QARS1: variants seen among roughly 807,000 people sequenced by gnomAD.
QARS1 encodes the protein glutaminyl-tRNA synthetase 1, also known as glutamine--tRNA ligase.
In QARS1, 79 loss-of-function variants were observed where a neutral mutation model predicts 106.9. That is an observed-to-expected ratio of 0.74 (90% CI 0.62 to 0.89). The LOEUF is 0.89. Among genes scored for constraint, QARS1 ranks in the 40% least tolerant of loss-of-function variants. QARS1 has a pLI of 0.00. For synonymous variants in QARS1, 395 were observed against 367.7 expected (o/e 1.07, Z -0.85); for missense variants, 966 against 997.2 (o/e 0.97, Z 0.42).
At position 49,100,435 on chromosome 3, in the gene QARS1, A is replaced by G. The variant is rs1469995048; in HGVS notation, c.1000T>C (p.Tyr334His). 3 of 1,614,232 alleles carry G rather than the reference A, an allele frequency of 1.9e-6. No individual in the cohort carries two copies. The highest frequency in any genetic ancestry group is 2.5e-6 in the Non-Finnish European group (3 of 1,180,046). ...WLGYTPYKVT[Y>H]ASDYFDQLYA... ...AGCTGGTCAAAATAGTCAGACGCAT[A>G]TGTGACTTTGTAAGGTGTGTAGCCT... Residue 334 changes from tyrosine (Y) to histidine (H), a missense_variant, in exon 12 of 24, where the codon TAT (tyrosine) becomes CAT (histidine). Physicochemically the swap from Tyr to His is moderately conservative, Grantham distance 83 (BLOSUM62 2). Coordinates refer to ENST00000306125, the MANE Select transcript of QARS1 (RefSeq NM_005051.3).
At position 49,098,250 on chromosome 3, in the gene QARS1, T is replaced by G. The variant is rs2042417727; in HGVS notation, c.2093A>C (p.His698Pro). The G allele has an allele frequency of 1.2e-6, 2 of 1,614,186 alleles. No homozygotes were observed. The highest frequency in any genetic ancestry group is 1.7e-6 in the Non-Finnish European group (2 of 1,180,036). The change falls in exon 22 of 24, where the codon CAC becomes CCC. Residue 698 changes from histidine (H) to proline (P), a missense_variant. By Grantham distance (77) the His-to-Pro change is moderately conservative. Coordinates refer to ENST00000306125, the MANE Select transcript of QARS1 (RefSeq NM_005051.3). ...CTCAGTAGGATCTTCAGGGTTCTTG[T>G]GCTGGAATCTGCAGCCAAAGTGAAG... The part of the protein sequence containing the change: ...EVRLYERLFQ[H>P]KNPEDPTEVP...
rs1445399982 is a variant in QARS1, at chr3:49,104,362, A to AT, written c.226dup (p.Ile76AsnfsTer4). The stretch of plus-strand genomic sequence containing the variant: ...CTCAGTGTGGATCTTCTTACTGGCT[A>AT]TGTAGCTTACAAGGAAGGAGAGACG... On this transcript the variant is annotated frameshift_variant, in exon 2 of 24. Coordinates refer to ENST00000306125, the MANE Select transcript of QARS1 (RefSeq NM_005051.3). LOFTEE classifies it high-confidence loss of function. 1.9e-6 allele frequency: 3 copies of AT among 1,613,864 alleles called. No individual in the cohort carries two copies. Among genetic ancestry groups the AT allele is most frequent in the Non-Finnish European group, 2.5e-6 (3 of 1,179,986 alleles).
At chr3:49,097,745 G>A (rs917768349) in intron 23 of QARS1, among the ~76,000 whole-genome samples, 4 of 152,136 alleles carry the variant, frequency 2.6e-5, no homozygotes, top group African/African-American at 7.2e-5. Flanking sequence ...GCAGTGAGCC[G>A]AGATGGTGCC....
chr3:49,097,367 G>A (rs551586363), intron 23 of QARS1: 1 of 151,936 alleles, frequency 6.6e-6, no homozygotes, highest in Non-Finnish European at 1.5e-5. Context: ...GTTTCACCAT[G>A]TTGGCCAGGG....
intron 9 of QARS1, 63 bp downstream of exon 9, chr3:49,101,557 G>T: frequency 6.3e-7 from 1 of 1,588,624 alleles, no homozygotes; most frequent in South Asian, 1.1e-5. Context: ...CAGTATGGAC[G>T]CAGCCCAGGC....
At chr3:49,104,291 G>A (rs1454972495) in intron 2 of QARS1, 33 bp downstream of exon 2, 3 of 1,611,052 alleles carry the variant, frequency 1.9e-6, no homozygotes, top group Non-Finnish European at 2.5e-6. Flanking sequence ...GGGAGGCATT[G>A]GTGCGAACTG....
intron 10 of QARS1, among the ~76,000 whole-genome samples, chr3:49,100,929 A>G (rs2042462270): frequency 6.6e-6 from 1 of 152,160 alleles, no homozygotes; most frequent in South Asian, 2.1e-4. Context: ...TTTAGTAGAG[A>G]TGGGGTTTCA....
At position 49,098,953 on chromosome 3, in the gene QARS1, C is replaced by A; in HGVS notation, c.1795G>T (p.Glu599Ter). Residue 599 changes from glutamate to a stop codon, truncating the protein, a stop_gained, in exon 19 of 24, where the codon GAG becomes TAG. Coordinates refer to ENST00000306125, the MANE Select transcript of QARS1 (RefSeq NM_005051.3). LOFTEE classifies it high-confidence loss of function. ...GGAACCTGATGGAAGCCTTTGGTCT[C>A]ATCAGCTGGGAAGTTGGGCACCTGG... ...DIQVPNFPADETKGFHQVPFA... is the reference protein window; with the variant it reads ...DIQVPNFPAD The A allele has an allele frequency of 6.2e-7, 1 of 1,614,104 alleles. No individual in the cohort carries two copies. The highest frequency in any genetic ancestry group is 8.5e-7 in the Non-Finnish European group (1 of 1,179,982).
chr3:49,100,053 T>G lies in QARS1; in HGVS notation c.1203A>C (p.Thr401=). 8.1e-6 allele frequency: 13 copies of G among 1,614,230 alleles called. No individual in the cohort carries two copies. Among genetic ancestry groups the G allele is most frequent in the Non-Finnish European group, 1.1e-5 (13 of 1,180,030 alleles). ...RKGKFSEGEA[T]LRMKLVMEDG... The stretch of plus-strand genomic sequence containing the variant: ...CCTCCATCACCAGCTTCATCCGTAG[T>G]GTGGCCTCGCCCTCTGAAAACTTGC... The change falls in exon 14 of 24, where the codon ACA becomes ACC. Residue 401 remains threonine (T), a synonymous_variant. Coordinates refer to ENST00000306125, the MANE Select transcript of QARS1 (RefSeq NM_005051.3).
In QARS1 at chr3:49,100,311, G is replaced by A. The variant is rs369771745; in HGVS notation, c.1056-13C>T. On this transcript the variant is annotated splice_polypyrimidine_tract_variant and intron_variant, in intron 12 of 23. Coordinates refer to ENST00000306125, the MANE Select transcript of QARS1 (RefSeq NM_005051.3). ...ATAAGCCAGACCCCTGTGGGGAAGC[G>A]GTGTGAGTGCCCAGCATGGCTGTGA... 2.4e-5 allele frequency: 38 copies of A among 1,614,164 alleles called. No individual in the cohort carries two copies. The highest frequency in any genetic ancestry group is 3.1e-5 in the Non-Finnish European group (37 of 1,179,964).
Position 49,099,966 on chromosome 3 carries a change from G to A in QARS1, c.1290C>T (p.Asp430=). Residue 430 remains aspartate, a synonymous_variant, in exon 14 of 24, where the codon GAC becomes GAT. Transcript: ENST00000306125. The part of the protein sequence containing the change: ...VKYTPHHRTG[D]KWCIYPTYDY... ...CCACCCCATTCTACACCCACCATTT[G>A]TCCCCTGTGCGGTGGTGTGGTGTAT... The A allele has an allele frequency of 6.2e-7, 1 of 1,614,136 alleles. No homozygotes were observed.
Position 49,098,654 on chromosome 3 carries a change from C to G in QARS1, c.1902G>C (p.Gln634His), listed in dbSNP as rs1431896699. 1 of 1,610,452 alleles carries G rather than the reference C, an allele frequency of 6.2e-7. No individual in the cohort carries two copies. The highest frequency in any genetic ancestry group is 1.7e-5 in the Admixed American group (1 of 59,368). The stretch of plus-strand genomic sequence containing the variant: ...AGCCTGTATGCCTCAGGCCCACAGG[C>G]TGGCCCCAAGCCAGGCGCTTAAATC... The part of the protein sequence containing the change: ...EPGFKRLAWG[Q>H]PVGLRHTGYV... Residue 634 changes from glutamine (Q) to histidine (H), a missense_variant, in exon 20 of 24, where the codon CAG (glutamine) becomes CAC (histidine). Coordinates refer to ENST00000306125, the MANE Select transcript of QARS1 (RefSeq NM_005051.3).
rs1196079818 is a variant in QARS1, at chr3:49,099,417, G to A, written c.1541C>T (p.Pro514Leu). The A allele has an allele frequency of 6.2e-7, 1 of 1,614,154 alleles. No individual in the cohort carries two copies. Among genetic ancestry groups the A allele is most frequent in the Admixed American group, 1.7e-5 (1 of 60,014 alleles). Residue 514 changes from proline (P) to leucine (L), a missense_variant, in exon 17 of 24, where the codon CCA becomes CTA. By Grantham distance (98) the Pro-to-Leu change is moderately conservative (BLOSUM62 -3). Coordinates refer to ENST00000306125, the MANE Select transcript of QARS1 (RefSeq NM_005051.3). The stretch of plus-strand genomic sequence containing the variant: ...CAGGGCCGTGAGTGTAAAGAGCCGT[G>A]GGTCATCCCAGTCCCTGTGGATAAG... ...ATGAVRDWDD[P>L]RLFTLTALRR... is the part of the protein sequence containing the mutation.
chr3:49,097,956 T>G (rs773748055), intron 23 of QARS1, 36 bp downstream of exon 23: 2 of 1,612,972 alleles, frequency 1.2e-6, no homozygotes, highest in Non-Finnish European at 1.7e-6. Flanking sequence ...CCACTGTCAC[T>G]GCTGCAGATG....
chr3:49,098,265 C>T lies in QARS1; in HGVS notation c.2085-7G>A, dbSNP rs768194891. On this transcript the variant is annotated splice_region_variant and splice_polypyrimidine_tract_variant and intron_variant, in intron 21 of 23. Transcript: ENST00000306125. ...AGGGTTCTTGTGCTGGAATCTGCAG[C>T]CAAAGTGAAGGTCATACCCCCAGCT... is the stretch of plus-strand genomic sequence containing the variant. The T allele has an allele frequency of 6.2e-7, 1 of 1,614,188 alleles. No individual in the cohort carries two copies. The highest frequency in any genetic ancestry group is 2.2e-5 in the East Asian group (1 of 44,890).
chr3:49,099,910 G>T, intron 14 of QARS1, 51 bp downstream of exon 14: 1 of 1,614,022 alleles, frequency 6.2e-7, no homozygotes, highest in South Asian at 1.1e-5. Context: ...CTACCCCATG[G>T]CCCATCGCCC....
chr3:49,104,158 A>C, intron 2 of QARS1, 166 bp downstream of exon 2: 1 of 1,185,664 alleles, frequency 8.4e-7, no homozygotes, highest in Non-Finnish European at 1.3e-6. Context: ...TCAGACCCTG[A>C]CAGTTCCCGT....
Position 49,104,609 on chromosome 3 carries a change from G to A in QARS1, c.117+8C>T. ...TGCAAACCAGGCCGGGGGCAGAGGGGCTCGCACCTGAGTAGCGGCCTCGCG... is the reference window on the plus strand; with the variant it reads ...TGCAAACCAGGCCGGGGGCAGAGGGACTCGCACCTGAGTAGCGGCCTCGCG... On this transcript the variant is annotated splice_region_variant and intron_variant, in intron 1 of 23. Coordinates refer to ENST00000306125, the MANE Select transcript of QARS1 (RefSeq NM_005051.3). 6.2e-7 allele frequency: 1 copy of A among 1,600,018 alleles called. No homozygotes were observed. The highest frequency in any genetic ancestry group is 1.1e-5 in the South Asian group (1 of 90,822).
chr3:49,097,854 T>C, intron 23 of QARS1, 138 bp downstream of exon 23: 1 of 1,271,122 alleles, frequency 7.9e-7, no homozygotes, highest in South Asian at 1.4e-5. Flanking sequence ...AGTGCCAGTT[T>C]CCTCACTAGT....
Sources: allele counts gnomAD v4.1 joint callset (sites outside exome capture counted in the v4.1 genomes callset), GRCh38; gene constraint gnomAD v4.1.1; transcripts MANE v1.5; gene names NCBI Gene and HGNC (gene_info 2026-07-23, HGNC 2026-07-21).